Variants in WDFY3 observed in about 807,000 individuals in gnomAD.
The protein encoded by WDFY3 is WD repeat and FYVE domain containing 3, also known as WD repeat and FYVE domain-containing protein 3.
WDFY3 carries 66 observed loss-of-function variants against 409.6 expected under a neutral mutation model. The observed-to-expected ratio is 0.16, with a 90% confidence interval of 0.13 to 0.20. The LOEUF (loss-of-function observed/expected upper bound fraction) is 0.20. WDFY3 is among the 10% of genes least tolerant of loss of function. The pLI, the probability that WDFY3 is intolerant of heterozygous loss-of-function variation, is 1.00. For synonymous variants in WDFY3, 1,521 were observed against 1,537.1 expected (o/e 0.99, Z 0.25); for missense variants, 3,031 against 4,298.1 (o/e 0.71, Z 8.24).
At chr4:84,715,940 A>G (rs1266647504) in intron 49 of WDFY3, among the ~76,000 whole-genome samples, 5 of 151,496 alleles carry the variant, frequency 3.3e-5, no homozygotes, top group Admixed American at 3.3e-4. Flanking sequence ...TTTTATAATT[A>G]TAATTTTATA....
At chr4:84,793,012 T>C (rs1036406531) in intron 21 of WDFY3, among the ~76,000 whole-genome samples, 17 of 152,216 alleles carry the variant, frequency 1.1e-4, no homozygotes, top group African/African-American at 4.1e-4. Flanking sequence ...ACAAGTGCTA[T>C]GGAAGTGGGC....
intron 1 of WDFY3, among the ~76,000 whole-genome samples, chr4:84,954,886 C>A (rs1312687365): frequency 1.3e-5 from 2 of 152,140 alleles, no homozygotes; most frequent in Admixed American, 1.3e-4. Flanking sequence ...CTCAATATTT[C>A]TTGCTTTATT....
intron 53 of WDFY3, among the ~76,000 whole-genome samples, chr4:84,706,732 T>C (rs192730475): frequency 9.9e-5 from 15 of 151,944 alleles, no homozygotes; most frequent in African/African-American, 3.6e-4. Flanking sequence ...AAATGCACGA[T>C]GGGCACCAGG....
At chr4:84,676,879 G>A (rs1335803039) in intron 67 of WDFY3, among the ~76,000 whole-genome samples, 1 of 152,192 alleles carries the variant, frequency 6.6e-6, no homozygotes, top group Non-Finnish European at 1.5e-5. Flanking sequence ...TGTGATTGGT[G>A]AAAGGTGCAA....
chr4:84,796,367 C>T (rs1749444381), intron 19 of WDFY3, among the ~76,000 whole-genome samples, 154 bp downstream of exon 19: 1 of 151,932 alleles, frequency 6.6e-6, no homozygotes, highest in African/African-American at 2.4e-5. Context: ...ATGTAGTAAT[C>T]TTAAAATAGC....
At chr4:84,861,903 G>A (rs1422309430) in intron 3 of WDFY3, among the ~76,000 whole-genome samples, 1 of 152,204 alleles carries the variant, frequency 6.6e-6, no homozygotes, top group Non-Finnish European at 1.5e-5. Flanking sequence ...AAAGGAACCA[G>A]GAAGGCTGGG....
At chr4:84,820,292 C>A in intron 11 of WDFY3, 106 bp from the exon 12 acceptor site, 1 of 872,140 alleles carries the variant, frequency 1.1e-6, no homozygotes, top group Non-Finnish European at 1.7e-6. Context: ...TCAGTTTTAC[C>A]CCTAATAGGA....
intron 5 of WDFY3, among the ~76,000 whole-genome samples, chr4:84,842,333 C>T (rs1213016330): frequency 6.6e-6 from 1 of 151,892 alleles, no homozygotes; most frequent in Admixed American, 6.6e-5. Flanking sequence ...AAAAATCAGG[C>T]AGGTGTGGTG....
intron 4 of WDFY3, 97 bp from the exon 5 acceptor site, chr4:84,850,122 AG>A (rs1758674831): frequency 7.4e-7 from 1 of 1,357,992 alleles, no homozygotes; most frequent in Admixed American, 2.5e-5. Context: ...AATCAAGTCC[AG>A]AAAAGTCTAC....
chr4:84,864,053 T>C (rs1761032550), intron 3 of WDFY3, among the ~76,000 whole-genome samples: 1 of 152,174 alleles, frequency 6.6e-6, no homozygotes, highest in Non-Finnish European at 1.5e-5. Flanking sequence ...TTTAAGATTT[T>C]TTTTTCTATT....
In WDFY3 at chr4:84,916,725, T is replaced by A. The variant is rs552707364; in HGVS notation, c.-132+15545A>T. 2.6e-5 allele frequency among the ~76,000 whole-genome samples: 4 copies of A among 152,312 alleles called. No homozygotes were observed. The East Asian group carries it at 7.7e-4, about 29-fold the overall frequency. ...GGACTCTTGATAAATTGAAAATGAATATACTGAATTAATAAAACAATTTCT... is the reference window on the plus strand; with the variant it reads ...GGACTCTTGATAAATTGAAAATGAAAATACTGAATTAATAAAACAATTTCT... On this transcript the variant is annotated intron_variant, in intron 2 of 67. Coordinates refer to ENST00000295888, the MANE Select transcript of WDFY3 (RefSeq NM_014991.6).
chr4:84,842,951 G>A (rs1300927393), intron 5 of WDFY3, among the ~76,000 whole-genome samples: 1 of 152,162 alleles, frequency 6.6e-6, no homozygotes, highest in Non-Finnish European at 1.5e-5. Context: ...ATTCTGGGCT[G>A]GGCAAAGTTT....
rs1248985083 is a variant in WDFY3, at chr4:84,778,730, TACACACACAA to T, written c.4366-85_4366-76del. ...CATTACACACACACAAACACACACA[TACACACACAA>T]ACACACACATACACACACAAACACA... On this transcript the variant is annotated intron_variant, in intron 26 of 67. Coordinates refer to ENST00000295888, the MANE Select transcript of WDFY3 (RefSeq NM_014991.6). The T allele has an allele frequency of 6.9e-6, 10 of 1,442,774 alleles. No homozygotes were observed. In the African/African-American group the frequency reaches 7.1e-5, roughly 10 times the overall value. The allele number at this position is 1,442,774 out of a possible 1,614,324, so 89.4% of individuals were successfully genotyped here. A position where few individuals can be genotyped will look rare whatever the true frequency, so the allele number is the denominator to read the frequency against.
chr4:84,681,165 C>A (rs1375816694), intron 64 of WDFY3, among the ~76,000 whole-genome samples: 1 of 152,184 alleles, frequency 6.6e-6, no homozygotes, highest in Non-Finnish European at 1.5e-5. Flanking sequence ...TTGTTCAATC[C>A]TTCCTGTGGG....
At chr4:84,907,750 A>ACT (rs35932180) in intron 2 of WDFY3, among the ~76,000 whole-genome samples, 58,984 of 151,972 alleles carry the variant, frequency 0.39, 11,751 homozygotes, top group Admixed American at 0.47. Context: ...TGGCCCAGTC[A>ACT]CTGTACCAGG....
intron 21 of WDFY3, among the ~76,000 whole-genome samples, chr4:84,790,954 T>G (rs955098053): frequency 2.0e-5 from 3 of 151,428 alleles, no homozygotes; most frequent in Non-Finnish European, 2.9e-5. Context: ...AAAAAAGTGT[T>G]GACACAAGTG....
At chr4:84,893,774 CAG>C (rs918826993) in intron 3 of WDFY3, among the ~76,000 whole-genome samples, 1 of 152,098 alleles carries the variant, frequency 6.6e-6, no homozygotes, top group Non-Finnish European at 1.5e-5. Context: ...ATCATAAGGT[CAG>C]GAGTTCAAAA....
intron 3 of WDFY3, among the ~76,000 whole-genome samples, chr4:84,864,460 C>T (rs1761102502): frequency 1.3e-5 from 2 of 150,704 alleles, no homozygotes; most frequent in Admixed American, 6.6e-5. Context: ...GTAGTACGAA[C>T]ATTGTAACAA....
At chr4:84,891,390 TTA>T (rs1764928933) in intron 3 of WDFY3, among the ~76,000 whole-genome samples, 1 of 152,196 alleles carries the variant, frequency 6.6e-6, no homozygotes, top group Admixed American at 6.5e-5. Context: ...GAAACCCTTA[TTA>T]TCTTTCAGGT....
Sources: allele counts gnomAD v4.1 joint callset (sites outside exome capture counted in the v4.1 genomes callset), GRCh38; gene constraint gnomAD v4.1.1; transcripts MANE v1.5; gene names NCBI Gene and HGNC (gene_info 2026-07-23, HGNC 2026-07-21).